Variants in DYM observed in about 807,000 individuals in gnomAD.
DYM encodes dyggve-Melchior-Clausen syndrome protein.
Under a neutral mutation model 93.1 loss-of-function variants are expected in DYM, and 78 were observed. The ratio of observed to expected loss-of-function variants is 0.84; its 90% CI spans 0.70 to 1.01. The LOEUF is 1.01. DYM is among the 50% of genes least tolerant of loss of function. DYM has a pLI of 0.00. For missense variants in DYM, 789 were observed against 845.0 expected, an observed-to-expected ratio of 0.93 and a Z score of 0.82; for synonymous variants, 321 against 319.7, an observed-to-expected ratio of 1.00 and a Z score of -0.04.
intron 15 of DYM, among the ~76,000 whole-genome samples, chr18:49,159,223 G>A (rs1410888730): frequency 6.6e-6 from 1 of 152,106 alleles, no homozygotes; most frequent in East Asian, 1.9e-4. Context: ...TGAGTCAAAT[G>A]AATTTGAGAT....
At chr18:49,051,019 A>G (rs546483865) in intron 17 of DYM, among the ~76,000 whole-genome samples, 1 of 152,284 alleles carries the variant, frequency 6.6e-6, no homozygotes, top group African/African-American at 2.4e-5. Flanking sequence ...AAGACCCCAA[A>G]AGAATAAGTC....
chr18:49,257,072 A>G lies in DYM; in HGVS notation c.1398T>C (p.Ala466=). ...GAAACTGTGCCGACATATTTGCTAA[A>G]GCTGCCAAACAATTTGTGTGAAGGT... ...DKYLHTNCLA[A]LANMSAQFRS... is the part of the protein sequence containing the mutation. Residue 466 remains alanine, a synonymous_variant, in exon 13 of 18, where the codon GCT becomes GCC. Transcript: ENST00000675505. 6.2e-7 allele frequency: 1 copy of G among 1,614,012 alleles called. No individual in the cohort carries two copies. The highest frequency in any genetic ancestry group is 1.1e-5 in the South Asian group (1 of 91,080).
At chr18:49,220,530 C>T (rs36170916) in intron 13 of DYM, among the ~76,000 whole-genome samples, 1 of 148,324 alleles carries the variant, frequency 6.7e-6, no homozygotes, top group Non-Finnish European at 1.5e-5. Flanking sequence ...GTAACCAAAA[C>T]AGCATGGTAC....
At chr18:49,160,496 T>C (rs1292579901) in intron 15 of DYM, among the ~76,000 whole-genome samples, 1 of 152,090 alleles carries the variant, frequency 6.6e-6, no homozygotes, top group Non-Finnish European at 1.5e-5. Flanking sequence ...CATGTCCTTA[T>C]TTTTAAGTAC....
chr18:49,149,963 T>A (rs186685838), intron 15 of DYM, among the ~76,000 whole-genome samples: 3 of 152,294 alleles, frequency 2.0e-5, no homozygotes, highest in Admixed American at 2.0e-4. Context: ...TGCCTTGGTC[T>A]CCCAAAGTGC....
chr18:49,277,119 T>C (rs1194179821), intron 10 of DYM, among the ~76,000 whole-genome samples: 1 of 152,060 alleles, frequency 6.6e-6, no homozygotes, highest in East Asian at 1.9e-4. Context: ...AATTTTTACA[T>C]GTTTGGTTTA....
chr18:49,044,317 C>T lies in DYM; in HGVS notation c.2026-113G>A, dbSNP rs1568332400. 10 of 1,149,512 alleles carry T rather than the reference C, an allele frequency of 8.7e-6. No individual in the cohort carries two copies. The Admixed American group carries it at 1.7e-4, about 20-fold the overall frequency. The allele number at this position is 1,149,512 out of a possible 1,614,324, so 71.2% of individuals were successfully genotyped here. A position where few individuals can be genotyped will look rare whatever the true frequency, so the allele number is the denominator to read the frequency against. Reference sequence around the variant, plus strand: ...CGGGGAGCCCACCCACCCCTGCCAACTGGTCACAGGGCATGAAAGCTCTGG... The same window carrying T: ...CGGGGAGCCCACCCACCCCTGCCAATTGGTCACAGGGCATGAAAGCTCTGG... On this transcript the variant is annotated intron_variant, in intron 17 of 17. Transcript: ENST00000675505.
chr18:49,105,726 G>A (rs868037478), intron 16 of DYM, among the ~76,000 whole-genome samples: 1 of 152,206 alleles, frequency 6.6e-6, no homozygotes, highest in African/African-American at 2.4e-5. Context: ...TTTTGAGTGA[G>A]TTTCTTAATC....
chr18:49,372,125 C>T (rs1402483273), intron 5 of DYM, among the ~76,000 whole-genome samples: 3 of 152,148 alleles, frequency 2.0e-5, no homozygotes, highest in Non-Finnish European at 2.9e-5. Context: ...TGTATATTAT[C>T]GACCCCACTC....
At chr18:49,182,407 A>G (rs1386984247) in intron 14 of DYM, among the ~76,000 whole-genome samples, 1 of 152,186 alleles carries the variant, frequency 6.6e-6, no homozygotes, top group Non-Finnish European at 1.5e-5. Context: ...CTCCAACTAT[A>G]ACTGTAATTT....
chr18:49,444,452 G>A (rs1470351946), intron 1 of DYM, among the ~76,000 whole-genome samples: 4 of 152,082 alleles, frequency 2.6e-5, no homozygotes, highest in African/African-American at 7.2e-5. Context: ...CAGGGTCTAC[G>A]TGCAAAACCT....
chr18:49,359,113 C>T (rs1390355643), intron 6 of DYM, among the ~76,000 whole-genome samples: 2 of 152,128 alleles, frequency 1.3e-5, no homozygotes, highest in Admixed American at 6.6e-5. Context: ...TACCTACCCA[C>T]GTTCTTTCTG....
chr18:49,241,384 G>T lies in DYM; in HGVS notation c.1460+15626C>A, dbSNP rs563950310. On this transcript the variant is annotated intron_variant, in intron 13 of 17. Coordinates refer to ENST00000675505, the MANE Select transcript of DYM (RefSeq NM_001353214.3). ...GCTACATGACCTTGGCTAAGTTTCA[G>T]TCTGAGTCTCAGTTTCCTCACCTAT... is the stretch of plus-strand genomic sequence containing the variant. Among the ~76,000 whole-genome samples the T allele has an allele frequency of 1.4e-4, 21 of 152,316 alleles. No homozygotes were observed. In the South Asian group the frequency reaches 3.1e-3, roughly 23 times the overall value.
At chr18:49,178,230 G>A (rs1237387889) in intron 14 of DYM, among the ~76,000 whole-genome samples, 1 of 152,030 alleles carries the variant, frequency 6.6e-6, no homozygotes, top group African/African-American at 2.4e-5. Context: ...CAACAAAGAA[G>A]AAAGGAAAAC....
At chr18:49,435,571 T>C (rs1295659649) in intron 1 of DYM, among the ~76,000 whole-genome samples, 1 of 152,076 alleles carries the variant, frequency 6.6e-6, no homozygotes, top group East Asian at 1.9e-4. Flanking sequence ...GTGGATCACC[T>C]GAGGTCAGGA....
intron 6 of DYM, among the ~76,000 whole-genome samples, chr18:49,342,233 G>C (rs987802497): frequency 3.9e-5 from 6 of 152,148 alleles, no homozygotes; most frequent in Non-Finnish European, 7.3e-5. Flanking sequence ...TGGATCTCTT[G>C]TTCCATCTTC....
intron 1 of DYM, among the ~76,000 whole-genome samples, chr18:49,456,164 A>G (rs2082964579): frequency 6.6e-6 from 1 of 152,212 alleles, no homozygotes; most frequent in South Asian, 2.1e-4. Flanking sequence ...TCTTGGACCC[A>G]GAAATCAAGG....
rs139320861 is a variant in DYM, at chr18:49,305,277, C to A, written c.764-18661G>T. On this transcript the variant is annotated intron_variant, in intron 8 of 17. Coordinates refer to ENST00000675505, the MANE Select transcript of DYM (RefSeq NM_001353214.3). ...TCTCCACCTACTCCATGTCCCAGGG[C>A]AGTTACATATAGCTGAAGAACAATA... Among the ~76,000 whole-genome samples, 834 of 152,324 alleles carry A rather than the reference C, an allele frequency of 5.5e-3. 4 individuals are homozygous for A. The highest frequency in any genetic ancestry group is 8.8e-3 in the Non-Finnish European group (596 of 68,034).
intron 17 of DYM, among the ~76,000 whole-genome samples, chr18:49,057,096 G>C (rs886145786): frequency 6.6e-6 from 1 of 152,180 alleles, no homozygotes; most frequent in Non-Finnish European, 1.5e-5. Flanking sequence ...TCCAAAATAG[G>C]GTCTTGATCT....
Sources: allele counts gnomAD v4.1 joint callset (sites outside exome capture counted in the v4.1 genomes callset), GRCh38; gene constraint gnomAD v4.1.1; transcripts MANE v1.5; gene names NCBI Gene and HGNC (gene_info 2026-07-23, HGNC 2026-07-21).